The following UGGT2 variants were observed in gnomAD, a reference collection of about 807,000 sequenced individuals.
UGGT2 encodes the protein UDP-glucose glycoprotein glucosyltransferase 2, also known as UDP-glucose:glycoprotein glucosyltransferase 2.
Under a neutral mutation model 192.1 loss-of-function variants are expected in UGGT2, and 180 were observed. The ratio of observed to expected loss-of-function variants is 0.94; its 90% CI spans 0.83 to 1.06. The LOEUF (loss-of-function observed/expected upper bound fraction) is 1.06. Among genes scored for constraint, UGGT2 ranks in the 50% least tolerant of loss-of-function variants. The pLI is 0.00. For synonymous variants in UGGT2, 580 were observed against 591.0 expected, an observed-to-expected ratio of 0.98 and a Z score of 0.27; for missense variants, 1,849 against 1,795.7, an observed-to-expected ratio of 1.03 and a Z score of -0.54.
intron 22 of UGGT2, among the ~76,000 whole-genome samples, chr13:95,899,209 T>C (rs1469716279): frequency 6.6e-6 from 1 of 152,216 alleles, no homozygotes; most frequent in Non-Finnish European, 1.5e-5. Flanking sequence ...CAGCCTTACA[T>C]TTCCAAGCAT....
At chr13:95,893,531 C>T (rs565828059) in intron 24 of UGGT2, among the ~76,000 whole-genome samples, 1 of 152,084 alleles carries the variant, frequency 6.6e-6, no homozygotes, top group Non-Finnish European at 1.5e-5. Context: ...CTGTATTATC[C>T]TAATTATCAA....
Position 95,877,712 on chromosome 13 carries a change from C to T in UGGT2, c.3373G>A (p.Val1125Met), listed in dbSNP as rs758937450. The T allele has an allele frequency of 6.2e-7, 1 of 1,613,710 alleles. No individual in the cohort carries two copies. Among genetic ancestry groups the T allele is most frequent in the Non-Finnish European group, 8.5e-7 (1 of 1,179,848 alleles). Residue 1125 changes from valine to methionine, a missense_variant, in exon 28 of 39, where the codon GTG (valine) becomes ATG (methionine). Physicochemically the swap from Val to Met is conservative, Grantham distance 21 (BLOSUM62 1). Coordinates refer to ENST00000376747, the MANE Select transcript of UGGT2 (RefSeq NM_020121.4). ...KNKPAVVDTI[V>M]MAHHGYFQLK... The stretch of plus-strand genomic sequence containing the variant: ...ATAATACTTACATGATGTGCCATCA[C>T]TATTGTATCAACCACAGCAGGTTTA...
At chr13:95,959,869 C>T (rs1769201839) in intron 12 of UGGT2, among the ~76,000 whole-genome samples, 1 of 152,174 alleles carries the variant, frequency 6.6e-6, no homozygotes, top group Admixed American at 6.5e-5. Flanking sequence ...GGCCAAGGCT[C>T]AACCCACCAT....
intron 5 of UGGT2, among the ~76,000 whole-genome samples, chr13:96,007,937 G>C (rs1015313080): frequency 1.3e-5 from 2 of 152,068 alleles, no homozygotes; most frequent in African/African-American, 4.8e-5. Context: ...TCATACACTG[G>C]GGAAAGGACA....
chr13:95,828,803 T>C (rs1886333349), intron 38 of UGGT2, among the ~76,000 whole-genome samples: 1 of 152,172 alleles, frequency 6.6e-6, no homozygotes, highest in African/African-American at 2.4e-5. Flanking sequence ...GAGGGAATCC[T>C]CCCTAACTCA....
Position 95,895,268 on chromosome 13 carries a change from C to A in UGGT2, c.2671G>T (p.Asp891Tyr). 1 of 1,540,096 alleles carries A rather than the reference C, an allele frequency of 6.5e-7. No individual in the cohort carries two copies. Among genetic ancestry groups the A allele is most frequent in the Non-Finnish European group, 8.8e-7 (1 of 1,135,234 alleles). ...GPLDEDFYAE[D>Y]FYLLEKITFS... Reference sequence around the variant, plus strand: ...GTTATCTTTTCCAACAAGTAAAAATCTTCTGCATAAAAATCTTCATCTAAA... The same window carrying A: ...GTTATCTTTTCCAACAAGTAAAAATATTCTGCATAAAAATCTTCATCTAAA... The change falls in exon 23 of 39, where the codon GAT becomes TAT. Residue 891 changes from aspartate (D) to tyrosine (Y), a missense_variant. Asp to Tyr is a radical substitution (Grantham distance 160, BLOSUM62 -3). Coordinates refer to ENST00000376747, the MANE Select transcript of UGGT2 (RefSeq NM_020121.4).
intron 1 of UGGT2, among the ~76,000 whole-genome samples, chr13:96,046,191 A>G (rs1256068819): frequency 6.6e-6 from 1 of 152,234 alleles, no homozygotes; most frequent in East Asian, 1.9e-4. Flanking sequence ...AAATACTTCC[A>G]GCCAACTGAC....
intron 12 of UGGT2, among the ~76,000 whole-genome samples, chr13:95,951,299 G>A (rs979761250): frequency 1.3e-5 from 2 of 152,170 alleles, no homozygotes; most frequent in African/African-American, 2.4e-5. Context: ...ATTAATGAGA[G>A]GAGCTCAACA....
At chr13:95,895,889 T>C (rs551429816) in intron 22 of UGGT2, among the ~76,000 whole-genome samples, 1 of 152,070 alleles carries the variant, frequency 6.6e-6, no homozygotes, top group Non-Finnish European at 1.5e-5. Context: ...TATAAATGGT[T>C]AGGAGCCTAG....
chr13:95,994,621 AT>A (rs1323292949), intron 7 of UGGT2, among the ~76,000 whole-genome samples: 1 of 151,908 alleles, frequency 6.6e-6, no homozygotes, highest in Non-Finnish European at 1.5e-5. Context: ...AAATTATATT[AT>A]TTTTTCTCTC....
At chr13:95,908,134 G>GAAGA (rs763566767) in intron 20 of UGGT2, among the ~76,000 whole-genome samples, 3 of 152,148 alleles carry the variant, frequency 2.0e-5, no homozygotes, top group Non-Finnish European at 4.4e-5. Context: ...CAATCAAGTG[G>GAAGA]AAGAAAGGGT....
intron 36 of UGGT2, among the ~76,000 whole-genome samples, chr13:95,851,630 A>C (rs1186103494): frequency 6.6e-6 from 1 of 152,230 alleles, no homozygotes; most frequent in Non-Finnish European, 1.5e-5. Flanking sequence ...AGAGGCACAT[A>C]AAAACAAACA....
intron 37 of UGGT2, among the ~76,000 whole-genome samples, chr13:95,834,837 T>C (rs952429269): frequency 6.6e-6 from 1 of 152,172 alleles, no homozygotes; most frequent in African/African-American, 2.4e-5. Context: ...ATTCAAGATA[T>C]ATGTTCTCCA....
chr13:96,043,303 A>G (rs2053217405), intron 1 of UGGT2, among the ~76,000 whole-genome samples: 1 of 152,236 alleles, frequency 6.6e-6, no homozygotes, highest in Admixed American at 6.5e-5. Flanking sequence ...AGTCTTTTCC[A>G]GACAAAAAAA....
intron 6 of UGGT2, among the ~76,000 whole-genome samples, chr13:95,996,542 C>G (rs2051627913): frequency 6.6e-6 from 1 of 151,670 alleles, no homozygotes; most frequent in Non-Finnish European, 1.5e-5. Context: ...AAATTCCATT[C>G]GTTTTACCTT....
chr13:95,931,257 T>C (rs1285574787), intron 17 of UGGT2, among the ~76,000 whole-genome samples: 5 of 152,148 alleles, frequency 3.3e-5, no homozygotes, highest in Admixed American at 6.5e-5. Context: ...AGGGTACTGA[T>C]TGGTGTGTTT....
intron 16 of UGGT2, among the ~76,000 whole-genome samples, chr13:95,938,715 A>G (rs1167708884): frequency 6.6e-6 from 1 of 152,176 alleles, no homozygotes; most frequent in East Asian, 1.9e-4. Flanking sequence ...AATGGCATCA[A>G]CACTACCAGT....
At chr13:95,967,143 C>T (rs1385946353) in intron 12 of UGGT2, among the ~76,000 whole-genome samples, 1 of 151,772 alleles carries the variant, frequency 6.6e-6, no homozygotes, top group African/African-American at 2.4e-5. Flanking sequence ...TATAAGGGCA[C>T]CACAGGCATA....
chr13:95,933,528 G>C (rs1331180894), intron 17 of UGGT2, among the ~76,000 whole-genome samples: 1 of 151,958 alleles, frequency 6.6e-6, no homozygotes, highest in Non-Finnish European at 1.5e-5. Flanking sequence ...CTGATTCATT[G>C]TATAAATTTT....
Sources: gnomAD v4.1 joint callset for allele counts (sites outside exome capture counted in the v4.1 genomes callset) on GRCh38, gnomAD v4.1.1 for gene constraint, MANE v1.5 for transcripts, NCBI Gene and HGNC (gene_info 2026-07-23, HGNC 2026-07-21) for gene names.